The following DGKB variants were observed in gnomAD, a reference collection of about 807,000 sequenced individuals.
DGKB encodes the protein diacylglycerol kinase beta.
In DGKB, 67 loss-of-function variants were observed where a neutral mutation model predicts 114.3. That is an observed-to-expected ratio of 0.59 (90% CI 0.48 to 0.72). The LOEUF is 0.72. Ranked by LOEUF, DGKB falls within the 30% of genes least tolerant of loss-of-function variation. DGKB has a pLI of 0.00. For missense variants in DGKB, 907 were observed against 975.2 expected (o/e 0.93, Z 0.93); for synonymous variants, 398 against 323.1 (o/e 1.23, Z -2.49).
intron 23 of DGKB, among the ~76,000 whole-genome samples, chr7:14,204,436 C>A (rs1264823839): frequency 6.6e-6 from 1 of 151,960 alleles, no homozygotes; most frequent in African/African-American, 2.4e-5. Flanking sequence ...TTAATCTGAG[C>A]AAGAAAATGA....
chr7:14,531,495 C>T (rs183536924), intron 20 of DGKB, among the ~76,000 whole-genome samples: 1 of 151,368 alleles, frequency 6.6e-6, no homozygotes, highest in Non-Finnish European at 1.5e-5. Context: ...TGCATTTAAC[C>T]AAAGAATGGA....
chr7:14,666,361 C>T lies in DGKB; in HGVS notation c.1134+6568G>A, dbSNP rs1294069659. 4.6e-5 allele frequency among the ~76,000 whole-genome samples: 7 copies of T among 152,090 alleles called. 1 individual carries two copies. The East Asian group carries it at 1.4e-3, about 29-fold the overall frequency. On this transcript the variant is annotated intron_variant, in intron 13 of 25. Coordinates refer to ENST00000402815, the MANE Select transcript of DGKB (RefSeq NM_001350709.2). ...AGAAGGGCTAAAACAACATAGACTA[C>T]ATCTGTCTTGAGTTAGGGGTAAATT...
intron 21 of DGKB, among the ~76,000 whole-genome samples, chr7:14,387,706 C>G (rs1429595587): frequency 6.6e-6 from 1 of 151,900 alleles, no homozygotes; most frequent in Non-Finnish European, 1.5e-5. Flanking sequence ...TGTGAGCCAC[C>G]ATGCCTAGCC....
chr7:14,727,435 G>A (rs1173251171), intron 5 of DGKB, among the ~76,000 whole-genome samples: 1 of 151,948 alleles, frequency 6.6e-6, no homozygotes, highest in Non-Finnish European at 1.5e-5. Context: ...AATAATCTGT[G>A]GATCATTACT....
chr7:14,555,853 A>G (rs577724207), intron 20 of DGKB, among the ~76,000 whole-genome samples: 1 of 152,200 alleles, frequency 6.6e-6, no homozygotes, highest in Non-Finnish European at 1.5e-5. Flanking sequence ...CAACATCAGG[A>G]AGTTACTTTG....
At chr7:14,716,974 A>G (rs1828294052) in intron 6 of DGKB, among the ~76,000 whole-genome samples, 1 of 151,970 alleles carries the variant, frequency 6.6e-6, no homozygotes, top group Admixed American at 6.6e-5. Flanking sequence ...ATCTAGTGTA[A>G]GCTTGAAAAA....
At chr7:14,554,542 A>G (rs1795594064) in intron 20 of DGKB, among the ~76,000 whole-genome samples, 1 of 152,130 alleles carries the variant, frequency 6.6e-6, no homozygotes, top group Non-Finnish European at 1.5e-5. Context: ...AGATGGATGG[A>G]TCAAAGGGTA....
chr7:14,811,326 G>A (rs1295753033), intron 2 of DGKB, among the ~76,000 whole-genome samples: 1 of 152,138 alleles, frequency 6.6e-6, no homozygotes. Context: ...TCCCACTTCA[G>A]TTTCCTGAGT....
chr7:14,612,805 A>G (rs185901884), intron 16 of DGKB, among the ~76,000 whole-genome samples: 1 of 152,298 alleles, frequency 6.6e-6, no homozygotes, highest in African/African-American at 2.4e-5. Flanking sequence ...TTAATCATTC[A>G]TTCATTACAA....
intron 8 of DGKB, 37 bp downstream of exon 8, chr7:14,698,058 A>G (rs781625048): frequency 6.0e-5 from 70 of 1,173,116 alleles, no homozygotes; most frequent in South Asian, 2.4e-4. Flanking sequence ...GAGGCCTTCC[A>G]GAATTTAGCC....
chr7:14,223,535 A>C (rs545644800), intron 23 of DGKB, among the ~76,000 whole-genome samples: 1 of 151,938 alleles, frequency 6.6e-6, no homozygotes, highest in African/African-American at 2.4e-5. Context: ...AATATATATA[A>C]AAAAGGGCAA....
intron 15 of DGKB, among the ~76,000 whole-genome samples, chr7:14,613,682 A>C (rs2128798126): frequency 6.6e-6 from 1 of 151,974 alleles, no homozygotes; most frequent in Non-Finnish European, 1.5e-5. Context: ...AAGAGGGAAT[A>C]ACATTTGTAA....
chr7:14,777,016 G>A (rs1838302721), intron 2 of DGKB, among the ~76,000 whole-genome samples: 2 of 152,172 alleles, frequency 1.3e-5, no homozygotes, highest in Admixed American at 1.3e-4. Flanking sequence ...AGTATGACCT[G>A]GATGTGAGAC....
At chr7:14,495,936 C>G (rs2116315) in intron 20 of DGKB, among the ~76,000 whole-genome samples, 53,230 of 151,496 alleles carry the variant, frequency 0.35, 9,937 homozygotes, top group Admixed American at 0.46. Flanking sequence ...AAAAAAGAGA[C>G]AAGCTTCAGG....
chr7:14,811,755 A>C (rs1315165935), intron 2 of DGKB, among the ~76,000 whole-genome samples: 1 of 152,024 alleles, frequency 6.6e-6, no homozygotes, highest in Non-Finnish European at 1.5e-5. Flanking sequence ...CCTTATTTTG[A>C]GGTAAGTAAA....
At chr7:14,379,693 G>C (rs1819086600) in intron 21 of DGKB, among the ~76,000 whole-genome samples, 1 of 152,080 alleles carries the variant, frequency 6.6e-6, no homozygotes, top group South Asian at 2.1e-4. Flanking sequence ...CTGAGTAGCT[G>C]GGATTACAGG....
intron 1 of DGKB, among the ~76,000 whole-genome samples, chr7:14,943,479 A>G (rs2128255888): frequency 6.6e-6 from 1 of 152,086 alleles, no homozygotes; most frequent in East Asian, 1.9e-4. Flanking sequence ...TAAACAGACA[A>G]TTCTGAGAAG....
At chr7:14,354,613 T>C (rs1302260868) in intron 21 of DGKB, among the ~76,000 whole-genome samples, 1 of 152,206 alleles carries the variant, frequency 6.6e-6, no homozygotes, top group Non-Finnish European at 1.5e-5. Context: ...ATACACAAGA[T>C]GGTATGTGTG....
chr7:14,866,774 A>G (rs1851764756), intron 1 of DGKB, among the ~76,000 whole-genome samples: 2 of 152,162 alleles, frequency 1.3e-5, no homozygotes, highest in Admixed American at 6.5e-5. Context: ...GATCATATAG[A>G]AAGAATATGA....
Sources: gnomAD v4.1 joint callset for allele counts (sites outside exome capture counted in the v4.1 genomes callset) on GRCh38, gnomAD v4.1.1 for gene constraint, MANE v1.5 for transcripts, NCBI Gene and HGNC (gene_info 2026-07-23, HGNC 2026-07-21) for gene names.